Variants in KCNT1 observed in about 807,000 individuals in gnomAD.
The protein encoded by KCNT1 is potassium sodium-activated channel subfamily T member 1.
In KCNT1, 78 loss-of-function variants were observed where a neutral mutation model predicts 147.8. The observed-to-expected ratio is 0.53, with a 90% CI of 0.44 to 0.64. The LOEUF is 0.64. Among genes scored for constraint, KCNT1 ranks in the 30% least tolerant of loss-of-function variants. KCNT1 has a pLI of 0.00. For synonymous variants in KCNT1, 867 were observed against 748.8 expected (o/e 1.16, Z -2.58); for missense variants, 1,419 against 1,750.3 (o/e 0.81, Z 3.38).
intron 2 of KCNT1, among the ~76,000 whole-genome samples, chr9:135,743,830 G>T (rs1178127205): frequency 6.6e-6 from 1 of 152,254 alleles, no homozygotes; most frequent in Non-Finnish European, 1.5e-5. Context: ...GCTATGGGGG[G>T]GCCCCAGAGG....
chr9:135,739,936 A>G (rs891362701), intron 2 of KCNT1, among the ~76,000 whole-genome samples: 4 of 152,050 alleles, frequency 2.6e-5, no homozygotes, highest in Middle Eastern at 6.8e-3. Context: ...CCCACACCTC[A>G]TTTATTGTCT....
At chr9:135,783,581 G>A (rs755824463) in intron 24 of KCNT1, among the ~76,000 whole-genome samples, 4 of 152,244 alleles carry the variant, frequency 2.6e-5, no homozygotes, top group Non-Finnish European at 5.9e-5. Flanking sequence ...GGGACGGGGA[G>A]GCCAAGGACA....
At chr9:135,750,579 G>A (rs910145561) in intron 3 of KCNT1, 5 of 441,044 alleles carry the variant, frequency 1.1e-5, no homozygotes, top group African/African-American at 7.9e-5. Context: ...CCAGAGCTTG[G>A]CATCATGCTC....
At chr9:135,738,038 A>G (rs1588288366) in intron 2 of KCNT1, among the ~76,000 whole-genome samples, 1 of 152,146 alleles carries the variant, frequency 6.6e-6, no homozygotes, top group African/African-American at 2.4e-5. Context: ...GCCCTGCTAC[A>G]GCCAGCCCTC....
At position 135,777,660 on chromosome 9, in the gene KCNT1, G is replaced by A. The variant is rs1262267230; in HGVS notation, c.2522+150G>A. 4 of 740,854 alleles carry A rather than the reference G, an allele frequency of 5.4e-6. No homozygotes were observed. In the South Asian group the frequency reaches 7.5e-5, roughly 14 times the overall value. 45.9% of individuals were successfully genotyped at this position (740,854 alleles called of 1,614,324 possible). A position where few individuals can be genotyped will look rare whatever the true frequency, so the allele number is the denominator to read the frequency against. ...GGTCCTCTCAGCTTTCCTAAAAAGG[G>A]GGACTCTCCTTCCTGCTCCCAACTC... is the stretch of plus-strand genomic sequence containing the variant. On this transcript the variant is annotated intron_variant, in intron 21 of 30. Coordinates refer to ENST00000371757, the MANE Select transcript of KCNT1 (RefSeq NM_020822.3).
rs1233580407 is a variant in KCNT1 at position 135,769,932 on chromosome 9, C to T, written c.1511-15C>T. The T allele has an allele frequency of 8.4e-6, 13 of 1,540,036 alleles. No individual in the cohort carries two copies. In the East Asian group the frequency reaches 2.0e-4, roughly 23 times the overall value. On this transcript the variant is annotated splice_polypyrimidine_tract_variant and intron_variant, in intron 15 of 30. Transcript: ENST00000371757. ...GCAGAGCGGCAGGTGGACCGGCCTC[C>T]CCCACTGCCCGCAGACCACGTGGTG...
In KCNT1 at chr9:135,792,673, A is replaced by G. The variant is rs1366146978; in HGVS notation, c.*512A>G. On this transcript the variant is annotated 3_prime_UTR_variant, in exon 31 of 31. Transcript: ENST00000371757. The stretch of plus-strand genomic sequence containing the variant: ...GCTGTTCTGCACTCTGGGGTGGGTG[A>G]GGGGGACCCTGGGCTGTTTGCTGTC... The G allele has an allele frequency of 6.5e-6, 1 of 152,988 alleles. No homozygotes were observed. 9.5% of individuals were successfully genotyped at this position (152,988 alleles called of 1,614,324 possible).
At chr9:135,748,624 C>T (rs1352292187) in intron 2 of KCNT1, among the ~76,000 whole-genome samples, 1 of 152,204 alleles carries the variant, frequency 6.6e-6, no homozygotes, top group Non-Finnish European at 1.5e-5. Flanking sequence ...GCTTACCTCC[C>T]CCGACTTCTG....
In KCNT1 at chr9:135,772,758, G is replaced by A. The variant is rs376314779; in HGVS notation, c.2052G>A (p.Thr684=). 6.0e-5 allele frequency: 89 copies of A among 1,471,854 alleles called. No homozygotes were observed. The highest frequency in any genetic ancestry group is 3.6e-4 in the Middle Eastern group (2 of 5,622). The allele number at this position is 1,471,854 out of a possible 1,614,324, so 91.2% of individuals were successfully genotyped here. A position where few individuals can be genotyped will look rare whatever the true frequency, so the allele number is the denominator to read the frequency against. The stretch of plus-strand genomic sequence containing the variant: ...TGCAGGGCACAGAGCACCGGCCTAC[G>A]CAGAGCGGCGGTGGGGGCGGGGGCA... ...MDLQGTEHRP[T]QSGGGGGGSK... is the part of the protein sequence containing the mutation. The change falls in exon 19 of 31, where the codon ACG becomes ACA. Residue 684 remains threonine, a synonymous_variant. Transcript: ENST00000371757.
intron 21 of KCNT1, 70 bp downstream of exon 21, chr9:135,777,580 ACTGGG>A: frequency 7.0e-7 from 1 of 1,427,206 alleles, no homozygotes; most frequent in Non-Finnish European, 9.5e-7. Context: ...AGCCTCCCCA[ACTGGG>A]CCCACCCTTC....
chr9:135,735,353 C>T (rs1366970648), intron 2 of KCNT1, among the ~76,000 whole-genome samples: 2 of 152,216 alleles, frequency 1.3e-5, no homozygotes, highest in Non-Finnish European at 2.9e-5. Flanking sequence ...GGCCCTGTGC[C>T]TCAGCCTCCC....
intron 3 of KCNT1, 150 bp downstream of exon 3, chr9:135,750,327 A>C: frequency 1.5e-5 from 5 of 342,782 alleles, no homozygotes; most frequent in Non-Finnish European, 2.4e-5. Context: ...ATTTGGAAGC[A>C]GGGTGGGGGT....
rs1428168712 is a variant in KCNT1, at chr9:135,750,915, G to A, written c.335-27G>A. 3 of 1,606,780 alleles carry A rather than the reference G, an allele frequency of 1.9e-6. No homozygotes were observed. In the Admixed American group the frequency reaches 5.0e-5, roughly 27 times the overall value. On this transcript the variant is annotated intron_variant, in intron 3 of 30. Coordinates refer to ENST00000371757, the MANE Select transcript of KCNT1 (RefSeq NM_020822.3). ...CCCCGAAGCCCAGAGCTGGGTCAGA[G>A]CCCTGAGGCCGCTGCCCTCCCCGCA...
intron 9 of KCNT1, among the ~76,000 whole-genome samples, 164 bp from the exon 10 acceptor site, chr9:135,758,250 A>G (rs964783588): frequency 5.5e-4 from 81 of 147,748 alleles, no homozygotes; most frequent in African/African-American, 1.9e-3. Context: ...CATGGGCCTC[A>G]GCCGAGACAC....
chr9:135,760,464 A>G (rs1190902264), intron 11 of KCNT1, among the ~76,000 whole-genome samples: 1 of 152,116 alleles, frequency 6.6e-6, no homozygotes. Flanking sequence ...TGGGAGAAGG[A>G]GGGGACCCCT....
At chr9:135,753,618 A>G (rs1831314757) in intron 4 of KCNT1, 1 of 473,158 alleles carries the variant, frequency 2.1e-6, no homozygotes, top group Non-Finnish European at 3.8e-6. Context: ...GCACAGGCAG[A>G]ACCAGTGTGT....
At chr9:135,708,167 A>T (rs1835332108) in intron 1 of KCNT1, among the ~76,000 whole-genome samples, 1 of 152,218 alleles carries the variant, frequency 6.6e-6, no homozygotes, top group Admixed American at 6.5e-5. Context: ...ACTCTCCTGG[A>T]TGCAGGGTAG....
In KCNT1 at chr9:135,784,845, A is replaced by G; in HGVS notation, c.3112A>G (p.Ile1038Val). 1.2e-6 allele frequency: 2 copies of G among 1,612,794 alleles called. No homozygotes were observed. Among genetic ancestry groups the G allele is most frequent in the African/African-American group, 1.3e-5 (1 of 75,024 alleles). ...CTGCTCCTCCAGCGCCGAGATCCCC[A>G]TTGGCATCTACCGGACAGAGAGCCA... ...KLCSSSAEIP[I>V]GIYRTESHVF... is the part of the protein sequence containing the mutation. Residue 1038 changes from isoleucine to valine, a missense_variant, in exon 27 of 31, where the codon ATT becomes GTT. Physicochemically the swap from Ile to Val is conservative, Grantham distance 29. Around this residue, in one of 5 missense-constraint regions of KCNT1, gnomAD observed 306 missense variants for 294.2 expected, o/e 1.04. Transcript: ENST00000371757.
At chr9:135,755,865 G>T (rs1831451096) in intron 6 of KCNT1, among the ~76,000 whole-genome samples, 1 of 149,712 alleles carries the variant, frequency 6.7e-6, no homozygotes, top group Admixed American at 6.6e-5. Flanking sequence ...GGCTCAGTGA[G>T]CACTGAGGAC....
Sources: allele counts gnomAD v4.1 joint callset (sites outside exome capture counted in the v4.1 genomes callset), GRCh38; gene constraint gnomAD v4.1.1; regional missense constraint gnomAD v4.1.1; transcripts MANE v1.5; gene names NCBI Gene and HGNC (gene_info 2026-07-23, HGNC 2026-07-21).